Variants in CLEC7A observed in about 807,000 individuals in gnomAD.
CLEC7A encodes the protein C-type lectin domain containing 7A.
CLEC7A carries 25 observed loss-of-function variants against 26.9 expected under a neutral mutation model. The ratio of observed to expected loss-of-function variants is 0.93; its 90% CI spans 0.68 to 1.30. CLEC7A has a LOEUF of 1.30. Among genes scored for constraint, CLEC7A ranks in the 50% most tolerant of loss-of-function variants. The pLI, the probability that CLEC7A is intolerant of heterozygous loss-of-function variation, is 0.00. For synonymous variants in CLEC7A, 100 were observed against 99.5 expected, an observed-to-expected ratio of 1.01 and a Z score of -0.03; for missense variants, 275 against 286.7, an observed-to-expected ratio of 0.96 and a Z score of 0.29.
chr12:10,125,138 T>C, intron 4 of CLEC7A, 159 bp downstream of exon 4: 1 of 743,666 alleles, frequency 1.3e-6, no homozygotes. Flanking sequence ...ATGTCGCGGC[T>C]TCACTGCACT....
At chr12:10,127,464 G>A in intron 2 of CLEC7A, 1 of 1,612,006 alleles carries the variant, frequency 6.2e-7, no homozygotes, top group Non-Finnish European at 8.5e-7. Flanking sequence ...AGGTAGGAGA[G>A]CAATGTAGTT....
chr12:10,127,990 T>G (rs1270817981), intron 1 of CLEC7A, 145 bp from the exon 2 acceptor site: 3 of 616,596 alleles, frequency 4.9e-6, no homozygotes, highest in Admixed American at 3.1e-5. Context: ...GTAGGAGGAT[T>G]GCTTGAGGCC....
At chr12:10,125,469 C>T in intron 3 of CLEC7A, 21 bp from the exon 4 acceptor site, 1 of 1,599,774 alleles carries the variant, frequency 6.3e-7, no homozygotes, top group African/African-American at 1.3e-5. Flanking sequence ...AAGATTAGTA[C>T]CATGAGGTTC....
rs1240037307 is a variant in CLEC7A at position 10,118,145 on chromosome 12, C to T, written c.*313G>A. 11 of 252,088 alleles carry T rather than the reference C, an allele frequency of 4.4e-5. No homozygotes were observed. The highest frequency in any genetic ancestry group is 4.6e-5 in the Non-Finnish European group (6 of 131,644). The allele number at this position is 252,088 out of a possible 1,614,324, so 15.6% of individuals were successfully genotyped here. A position where few individuals can be genotyped will look rare whatever the true frequency, so the allele number is the denominator to read the frequency against. On this transcript the variant is annotated 3_prime_UTR_variant, in exon 6 of 6. Transcript: ENST00000304084. ...GCAGTGAGTCGAGATTGTGCCACTG[C>T]ACTCCAGCCTGGGTAACAAAGTGAG... is the stretch of plus-strand genomic sequence containing the variant.
chr12:10,117,292 GC>G lies in CLEC7A; in HGVS notation c.*1165del, dbSNP rs1947939526. The G allele has an allele frequency of 6.6e-6, 1 of 152,312 alleles. No homozygotes were observed. The highest frequency in any genetic ancestry group is 2.4e-5 in the African/African-American group (1 of 41,452). The allele number at this position is 152,312 out of a possible 1,614,324, so 9.4% of individuals were successfully genotyped here. On this transcript the variant is annotated 3_prime_UTR_variant, in exon 6 of 6. Coordinates refer to ENST00000304084, the MANE Select transcript of CLEC7A (RefSeq NM_197947.3). Reference sequence around the variant, plus strand: ...CGCCTGTAATCCCAGCACTTGGGAGGCCGAGGCAGGCAGATCACTTGAGGTC... The same window carrying G: ...CGCCTGTAATCCCAGCACTTGGGAGGCGAGGCAGGCAGATCACTTGAGGTC...
chr12:10,129,561 A>G (rs1035461826), intron 1 of CLEC7A, among the ~76,000 whole-genome samples: 1 of 152,192 alleles, frequency 6.6e-6, no homozygotes, highest in Non-Finnish European at 1.5e-5. Flanking sequence ...ATCCATAAAA[A>G]TATACACATC....
At chr12:10,120,743 T>C (rs931828253) in intron 5 of CLEC7A, among the ~76,000 whole-genome samples, 4 of 122,490 alleles carry the variant, frequency 3.3e-5, no homozygotes, top group African/African-American at 1.1e-4. Context: ...GCTAGTTTTT[T>C]CTTTTTTCTT....
Position 10,118,254 on chromosome 12 carries a change from A to G in CLEC7A, c.*204T>C. 1.9e-6 allele frequency: 1 copy of G among 529,898 alleles called. No individual in the cohort carries two copies. Among genetic ancestry groups the G allele is most frequent in the South Asian group, 2.7e-5 (1 of 37,376 alleles). 32.8% of individuals were successfully genotyped at this position (529,898 alleles called of 1,614,324 possible). On this transcript the variant is annotated 3_prime_UTR_variant, in exon 6 of 6. Coordinates refer to ENST00000304084, the MANE Select transcript of CLEC7A (RefSeq NM_197947.3). ...TTCCATGTCTAGGGATCTACTAACT[A>G]GAAAAATAATACTAGCCTACCTGTA... is the stretch of plus-strand genomic sequence containing the variant.
chr12:10,128,247 C>CACACACA (rs3221301), intron 1 of CLEC7A, among the ~76,000 whole-genome samples: 1 of 136,820 alleles, frequency 7.3e-6, no homozygotes, highest in African/African-American at 2.9e-5. Flanking sequence ...CACACACACA[C>CACACACA]CACCAACAAC....
At chr12:10,124,475 C>T (rs980789519) in intron 4 of CLEC7A, among the ~76,000 whole-genome samples, 6 of 152,162 alleles carry the variant, frequency 3.9e-5, no homozygotes, top group African/African-American at 1.4e-4. Context: ...TCTCTTTAAA[C>T]TCCTATAGAA....
chr12:10,125,397 C>G lies in CLEC7A; in HGVS notation c.392G>C (p.Cys131Ser), dbSNP rs1948246364. 6.2e-7 allele frequency: 1 copy of G among 1,613,260 alleles called. No homozygotes were observed. The highest frequency in any genetic ancestry group is 8.5e-7 in the Non-Finnish European group (1 of 1,179,846). ...PPNWIIYEKS[C>S]YLFSMSLNSW... Reference sequence around the variant, plus strand: ...ATTTAGTGACATGCTGAATAGATAACAGCTCTTCTCATATATAATCCAATT... The same window carrying G: ...ATTTAGTGACATGCTGAATAGATAAGAGCTCTTCTCATATATAATCCAATT... Residue 131 changes from cysteine to serine, a missense_variant, in exon 4 of 6, where the codon TGT becomes TCT. Cys to Ser is a moderately radical substitution (Grantham distance 112, BLOSUM62 -1). Coordinates refer to ENST00000304084, the MANE Select transcript of CLEC7A (RefSeq NM_197947.3).
intron 5 of CLEC7A, among the ~76,000 whole-genome samples, chr12:10,120,833 C>T (rs1231511084): frequency 6.7e-6 from 1 of 149,394 alleles, no homozygotes; most frequent in Non-Finnish European, 1.5e-5. Context: ...CGGCTCACTG[C>T]AACCTCCGTC....
intron 5 of CLEC7A, among the ~76,000 whole-genome samples, chr12:10,122,484 C>CTTTTTTTTTT (rs143612827): frequency 4.1e-4 from 53 of 128,776 alleles, no homozygotes; most frequent in African/African-American, 1.0e-3. Flanking sequence ...TTCTTTTTTT[C>CTTTTTTTTTT]TTTTTTTTTT....
Position 10,127,884 on chromosome 12 carries a change from A to AGAAT in CLEC7A, c.104-43_104-40dup, listed in dbSNP as rs1319075782. On this transcript the variant is annotated intron_variant, in intron 1 of 5. Coordinates refer to ENST00000304084, the MANE Select transcript of CLEC7A (RefSeq NM_197947.3). ...GGGGGCAGAAATGGAATAAAGAAAGAGAATGACGGATGGTGGGGCAGTTTA... is the reference window on the plus strand; with the variant it reads ...GGGGGCAGAAATGGAATAAAGAAAGAGAATGAATGACGGATGGTGGGGCAGTTTA... 3 of 1,352,906 alleles carry AGAAT rather than the reference A, an allele frequency of 2.2e-6. No homozygotes were observed. The African/African-American group carries it at 4.4e-5, about 20-fold the overall frequency. 83.8% of individuals were successfully genotyped at this position (1,352,906 alleles called of 1,614,324 possible). A position where few individuals can be genotyped will look rare whatever the true frequency, so the allele number is the denominator to read the frequency against.
chr12:10,125,447 C>A lies in CLEC7A; in HGVS notation c.342G>T (p.Gly114=), dbSNP rs770219030. The A allele has an allele frequency of 1.2e-5, 20 of 1,609,374 alleles. 1 individual carries two copies. In the South Asian group the frequency reaches 2.0e-4, roughly 16 times the overall value. The change falls in exon 4 of 6, where the codon GGG becomes GGT. Residue 114 remains glycine, a splice_region_variant and synonymous_variant. Coordinates refer to ENST00000304084, the MANE Select transcript of CLEC7A (RefSeq NM_197947.3). ...VTPTKAVKTT[G]VLSSPCPPNW... is the part of the protein sequence containing the mutation. ...TAGGAGGACAAGGGCTGGAAAGAAC[C>A]CCTGGAAATAAAAGATTAGTACCAT...
At position 10,118,418 on chromosome 12, in the gene CLEC7A, AC is replaced by A; in HGVS notation, c.*39del. 1 of 1,566,880 alleles carries A rather than the reference AC, an allele frequency of 6.4e-7. No individual in the cohort carries two copies. Among genetic ancestry groups the A allele is most frequent in the Non-Finnish European group, 8.8e-7 (1 of 1,139,996 alleles). ...TTCTGTTCTGTTTTCTGTCCTCCTT[AC>A]TACCTCACATATTTCTCTCTCCTTC... is the stretch of plus-strand genomic sequence containing the variant. On this transcript the variant is annotated 3_prime_UTR_variant, in exon 6 of 6. Transcript: ENST00000304084.
At chr12:10,126,843 G>C in intron 2 of CLEC7A, 135 bp from the exon 3 acceptor site, 3 of 721,210 alleles carry the variant, frequency 4.2e-6, no homozygotes, top group Non-Finnish European at 6.5e-6. Flanking sequence ...ATGATATATT[G>C]CTGTGGAGAG....
At chr12:10,120,691 G>T (rs1340170330) in intron 5 of CLEC7A, among the ~76,000 whole-genome samples, 1 of 151,074 alleles carries the variant, frequency 6.6e-6, no homozygotes, top group African/African-American at 2.4e-5. Flanking sequence ...GCCTCCCAAA[G>T]TGCTGGGATT....
chr12:10,127,340 A>T, intron 2 of CLEC7A: 2 of 1,552,730 alleles, frequency 1.3e-6, no homozygotes, highest in South Asian at 2.3e-5. Context: ...CCATTTAGTG[A>T]ATTTATTTCA....
Sources: allele counts gnomAD v4.1 joint callset (sites outside exome capture counted in the v4.1 genomes callset), GRCh38; gene constraint gnomAD v4.1.1; transcripts MANE v1.5; gene names NCBI Gene and HGNC (gene_info 2026-07-23, HGNC 2026-07-21).